The following R3HCC1L variants were observed in gnomAD, a reference collection of about 807,000 sequenced individuals.
R3HCC1L encodes coiled-coil domain-containing protein R3HCC1L.
A neutral mutation model predicts 59.9 loss-of-function variants in R3HCC1L; 51 were observed. The ratio of observed to expected loss-of-function variants is 0.85; its 90% CI spans 0.68 to 1.07. The LOEUF is 1.07. Among genes scored for constraint, R3HCC1L ranks in the 50% least tolerant of loss-of-function variants. The pLI is 0.00. For synonymous variants in R3HCC1L, 322 were observed against 315.2 expected, an observed-to-expected ratio of 1.02 and a Z score of -0.23; for missense variants, 965 against 933.0, an observed-to-expected ratio of 1.03 and a Z score of -0.45.
At chr10:98,219,904 A>T (rs138425134) in intron 5 of R3HCC1L, among the ~76,000 whole-genome samples, 1 of 152,120 alleles carries the variant, frequency 6.6e-6, no homozygotes, top group Non-Finnish European at 1.5e-5. Flanking sequence ...TGAGCTTCCT[A>T]TATTTGGATG....
intron 5 of R3HCC1L, among the ~76,000 whole-genome samples, chr10:98,230,122 T>A (rs112593983): frequency 0.025 from 3,799 of 152,304 alleles, 66 homozygotes; most frequent in Non-Finnish European, 0.039. Context: ...GATTCCCTCT[T>A]TTTCTATTGA....
intron 4 of R3HCC1L, among the ~76,000 whole-genome samples, chr10:98,201,989 A>C (rs1325402058): frequency 2.0e-5 from 3 of 151,630 alleles, no homozygotes; most frequent in Non-Finnish European, 4.4e-5. Flanking sequence ...GCAGCCTTGA[A>C]CTCGTGGCCT....
At chr10:98,142,354 T>C (rs1327743824) in intron 1 of R3HCC1L, among the ~76,000 whole-genome samples, 1 of 152,204 alleles carries the variant, frequency 6.6e-6, no homozygotes, top group Non-Finnish European at 1.5e-5. Context: ...TTTTTCTCTC[T>C]CTCTTTCTTT....
intron 9 of R3HCC1L, among the ~76,000 whole-genome samples, chr10:98,238,148 A>C (rs1362641598): frequency 1.3e-5 from 2 of 152,210 alleles, no homozygotes; most frequent in East Asian, 3.8e-4. Flanking sequence ...TGTTTTTGTT[A>C]GTAATAATAG....
At chr10:98,203,290 A>G (rs538150440) in intron 4 of R3HCC1L, among the ~76,000 whole-genome samples, 1 of 152,326 alleles carries the variant, frequency 6.6e-6, no homozygotes, top group Non-Finnish European at 1.5e-5. Flanking sequence ...GGAGGAATAT[A>G]TGCATGATTC....
chr10:98,220,545 C>T, intron 5 of R3HCC1L, among the ~76,000 whole-genome samples: 1 of 119,368 alleles, frequency 8.4e-6, no homozygotes, highest in Non-Finnish European at 1.7e-5. Context: ...CACCCCACAA[C>T]AGTCCCCAGA....
chr10:98,203,091 A>G (rs1237615218), intron 4 of R3HCC1L, among the ~76,000 whole-genome samples: 1 of 152,198 alleles, frequency 6.6e-6, no homozygotes, highest in Admixed American at 6.5e-5. Context: ...AAAGTATTAT[A>G]TTAGTGTTAA....
chr10:98,176,517 G>A (rs1047489535), intron 4 of R3HCC1L, among the ~76,000 whole-genome samples: 12 of 151,964 alleles, frequency 7.9e-5, no homozygotes, highest in African/African-American at 1.5e-4. Context: ...GATACTCTTC[G>A]ATTTTCAGTT....
At chr10:98,190,069 C>T (rs927276986) in intron 4 of R3HCC1L, among the ~76,000 whole-genome samples, 2 of 152,162 alleles carry the variant, frequency 1.3e-5, no homozygotes, top group Non-Finnish European at 2.9e-5. Flanking sequence ...CTCCTTTTTA[C>T]TTTATATCAT....
intron 4 of R3HCC1L, among the ~76,000 whole-genome samples, chr10:98,166,964 C>G (rs1015766485): frequency 6.6e-6 from 1 of 152,216 alleles, no homozygotes; most frequent in East Asian, 1.9e-4. Context: ...CGCGCCTGAC[C>G]CCTACTTTAT....
chr10:98,241,633 CA>C (rs1590859722), intron 9 of R3HCC1L, among the ~76,000 whole-genome samples: 1 of 152,254 alleles, frequency 6.6e-6, no homozygotes, highest in East Asian at 1.9e-4. Flanking sequence ...TGCAGTTTAT[CA>C]GCTATTATCT....
chr10:98,150,959 G>A (rs539644583), intron 1 of R3HCC1L, among the ~76,000 whole-genome samples: 95 of 152,240 alleles, frequency 6.2e-4, no homozygotes, highest in African/African-American at 2.2e-3. Context: ...TTTTTCCGGT[G>A]TAGTGATTGT....
chr10:98,235,710 T>C (rs550614462), intron 8 of R3HCC1L, among the ~76,000 whole-genome samples, 190 bp downstream of exon 8: 12 of 152,318 alleles, frequency 7.9e-5, no homozygotes, highest in African/African-American at 2.9e-4. Flanking sequence ...AGCAGCCACT[T>C]GGAGTGTGTG....
At chr10:98,174,346 T>C (rs1848792905) in intron 4 of R3HCC1L, 2 of 361,130 alleles carry the variant, frequency 5.5e-6, no homozygotes, top group African/African-American at 4.4e-5. Flanking sequence ...CAAAATAAAC[T>C]TCCAGGAAGT....
chr10:98,220,406 C>CTTT (rs375300854), intron 5 of R3HCC1L, among the ~76,000 whole-genome samples: 1 of 122,796 alleles, frequency 8.1e-6, no homozygotes, highest in Non-Finnish European at 1.6e-5. Flanking sequence ...TTTTTATACT[C>CTTT]TAAGTTTTAG....
At chr10:98,199,254 G>A (rs1166484885) in intron 4 of R3HCC1L, among the ~76,000 whole-genome samples, 2 of 152,094 alleles carry the variant, frequency 1.3e-5, no homozygotes, top group East Asian at 3.9e-4. Flanking sequence ...AGTAATTTAT[G>A]TGCTGCTTGT....
chr10:98,181,837 C>T (rs1590595163), intron 4 of R3HCC1L, among the ~76,000 whole-genome samples: 1 of 152,176 alleles, frequency 6.6e-6, no homozygotes, highest in African/African-American at 2.4e-5. Flanking sequence ...TCACATAGTT[C>T]TTGTGCCATG....
At chr10:98,185,373 A>G (rs1029936597) in intron 4 of R3HCC1L, among the ~76,000 whole-genome samples, 1 of 152,194 alleles carries the variant, frequency 6.6e-6, no homozygotes, top group African/African-American at 2.4e-5. Flanking sequence ...AGGTAATTAT[A>G]CTAAAGTAAT....
chr10:98,186,814 A>G (rs930145721), intron 4 of R3HCC1L, among the ~76,000 whole-genome samples: 1 of 152,110 alleles, frequency 6.6e-6, no homozygotes, highest in African/African-American at 2.4e-5. Context: ...TATTATTACA[A>G]TGTTAGAGTT....
Sources: gnomAD v4.1 joint callset for allele counts (sites outside exome capture counted in the v4.1 genomes callset) on GRCh38, gnomAD v4.1.1 for gene constraint, MANE v1.5 for transcripts, NCBI Gene and HGNC (gene_info 2026-07-23, HGNC 2026-07-21) for gene names.